ANO10: variants seen among roughly 807,000 people sequenced by gnomAD.
ANO10 encodes anoctamin 10.
A neutral mutation model predicts 74.7 loss-of-function variants in ANO10; 77 were observed. The ratio of observed to expected loss-of-function variants is 1.03; its 90% CI spans 0.86 to 1.25. The LOEUF (loss-of-function observed/expected upper bound fraction) is 1.25. ANO10 is among the 50% of genes most tolerant of loss of function. ANO10 has a pLI of 0.00. For synonymous variants in ANO10, 279 were observed against 284.9 expected, an observed-to-expected ratio of 0.98 and a Z score of 0.21; for missense variants, 721 against 778.1, an observed-to-expected ratio of 0.93 and a Z score of 0.87.
At chr3:43,527,888 T>G (rs980060070) in intron 11 of ANO10, among the ~76,000 whole-genome samples, 7 of 152,136 alleles carry the variant, frequency 4.6e-5, no homozygotes, top group Non-Finnish European at 1.0e-4. Flanking sequence ...GAATCAGATG[T>G]GGTAGTTTTA....
At position 43,442,056 on chromosome 3, in the gene ANO10, T is replaced by C. The variant is rs139293400; in HGVS notation, c.1798-9329A>G. On this transcript the variant is annotated intron_variant, in intron 11 of 12. Transcript: ENST00000292246. ...CTAGAGCTAACGTCATACCAAATGA[T>C]GGAAAACTGAAAGCTTTCCCTCTAA... 1.4e-4 allele frequency among the ~76,000 whole-genome samples: 22 copies of C among 152,266 alleles called. 1 individual carries two copies. Among genetic ancestry groups the C allele is most frequent in the African/African-American group, 5.1e-4 (21 of 41,562 alleles).
intron 1 of ANO10, among the ~76,000 whole-genome samples, chr3:43,617,605 C>CTG (rs201412269): frequency 0.039 from 5,937 of 152,220 alleles, 161 homozygotes; most frequent in Non-Finnish European, 0.058. Flanking sequence ...GAGAAACACA[C>CTG]TGTGAGTTCA....
At chr3:43,690,344 C>G (rs1475711842) in intron 1 of ANO10, 1 of 152,430 alleles carries the variant, frequency 6.6e-6, no homozygotes, top group African/African-American at 2.4e-5. Flanking sequence ...CCTGAGCCAC[C>G]GCGCCCGGCC....
At chr3:43,527,825 G>T (rs1247803035) in intron 11 of ANO10, among the ~76,000 whole-genome samples, 2 of 152,106 alleles carry the variant, frequency 1.3e-5, no homozygotes, top group Non-Finnish European at 2.9e-5. Flanking sequence ...TCTGTGAACT[G>T]CTAGATCAGA....
chr3:43,399,108 G>A (rs906054514), intron 12 of ANO10, among the ~76,000 whole-genome samples: 2 of 152,228 alleles, frequency 1.3e-5, no homozygotes, highest in Non-Finnish European at 2.9e-5. Context: ...GATTATAGGC[G>A]TAAGCCACCA....
chr3:43,647,186 T>TGTGTGTGTGTGA (rs1426780625), intron 1 of ANO10, among the ~76,000 whole-genome samples: 3 of 151,454 alleles, frequency 2.0e-5, no homozygotes, highest in African/African-American at 7.3e-5. Context: ...TGTGTGTGTG[T>TGTGTGTGTGTGA]GTGTGTATTC....
chr3:43,388,474 A>G (rs537429070), intron 12 of ANO10, among the ~76,000 whole-genome samples: 2 of 152,256 alleles, frequency 1.3e-5, no homozygotes, highest in Admixed American at 6.5e-5. Flanking sequence ...TCCTGACCAC[A>G]TTCCGAAGGC....
chr3:43,403,750 T>C (rs1159652789), intron 12 of ANO10, among the ~76,000 whole-genome samples: 3 of 152,250 alleles, frequency 2.0e-5, no homozygotes, highest in Non-Finnish European at 2.9e-5. Flanking sequence ...AGCTTAACTA[T>C]AAATATCACC....
At chr3:43,565,826 G>T (rs565930591) in intron 7 of ANO10, 99 bp from the exon 8 acceptor site, 1 of 1,272,528 alleles carries the variant, frequency 7.9e-7, no homozygotes, top group South Asian at 1.3e-5. Flanking sequence ...TGGGAGCGGG[G>T]AGGAGCCAAG....
At chr3:43,551,152 T>C (rs1276752381) in intron 10 of ANO10, among the ~76,000 whole-genome samples, 1 of 152,236 alleles carries the variant, frequency 6.6e-6, no homozygotes, top group Non-Finnish European at 1.5e-5. Context: ...TTACAAACAG[T>C]GCTACAATTG....
intron 11 of ANO10, among the ~76,000 whole-genome samples, chr3:43,482,441 G>A (rs1209908606): frequency 6.6e-6 from 1 of 151,982 alleles, no homozygotes; most frequent in Non-Finnish European, 1.5e-5. Flanking sequence ...GGAAGTGCCT[G>A]AACAATCATC....
chr3:43,685,935 T>C (rs539484444), intron 1 of ANO10, among the ~76,000 whole-genome samples: 33 of 152,376 alleles, frequency 2.2e-4, no homozygotes, highest in African/African-American at 7.5e-4. Flanking sequence ...TAGATTTTGA[T>C]GTGGCTAAAT....
chr3:43,484,935 A>T, intron 11 of ANO10: 1 of 806,936 alleles, frequency 1.2e-6, no homozygotes, highest in South Asian at 1.6e-5. Context: ...GGCGTTCCTG[A>T]GTTTATTTGG....
At chr3:43,516,840 C>T (rs1374017735) in intron 11 of ANO10, among the ~76,000 whole-genome samples, 1 of 152,110 alleles carries the variant, frequency 6.6e-6, no homozygotes, top group Non-Finnish European at 1.5e-5. Context: ...AATAATGTTC[C>T]TATTTGTTGA....
intron 4 of ANO10, among the ~76,000 whole-genome samples, chr3:43,585,465 T>A (rs2081436872): frequency 6.6e-6 from 1 of 152,180 alleles, no homozygotes; most frequent in Non-Finnish European, 1.5e-5. Context: ...GTTAGAGAAA[T>A]CCATTTACAT....
At chr3:43,543,462 T>A (rs1169504760) in intron 11 of ANO10, among the ~76,000 whole-genome samples, 1 of 152,238 alleles carries the variant, frequency 6.6e-6, no homozygotes, top group Non-Finnish European at 1.5e-5. Context: ...GGATCTCAGC[T>A]CACTGCAAGC....
intron 4 of ANO10, among the ~76,000 whole-genome samples, chr3:43,596,150 A>G (rs142641363): frequency 1.3e-5 from 2 of 152,210 alleles, no homozygotes; most frequent in Non-Finnish European, 2.9e-5. Context: ...ATGCTCATGG[A>G]TAGGAAGAAT....
At chr3:43,657,742 C>T (rs1302558649) in intron 1 of ANO10, among the ~76,000 whole-genome samples, 2 of 152,160 alleles carry the variant, frequency 1.3e-5, no homozygotes, top group African/African-American at 2.4e-5. Context: ...TTCTGTCACC[C>T]CTGATATCCT....
At chr3:43,406,825 C>T (rs1163078472) in intron 12 of ANO10, among the ~76,000 whole-genome samples, 12 of 152,138 alleles carry the variant, frequency 7.9e-5, no homozygotes, top group Admixed American at 7.9e-4. Context: ...GCCAGTTGAT[C>T]ATATGACTAT....
Sources: allele counts gnomAD v4.1 joint callset (sites outside exome capture counted in the v4.1 genomes callset), GRCh38; gene constraint gnomAD v4.1.1; transcripts MANE v1.5; gene names NCBI Gene and HGNC (gene_info 2026-07-23, HGNC 2026-07-21).